The following CLMP variants were observed in gnomAD, a reference collection of about 807,000 sequenced individuals.
CLMP encodes CXADR-like membrane protein.
A neutral mutation model predicts 45.2 loss-of-function variants in CLMP; 27 were observed. The ratio of observed to expected loss-of-function variants is 0.60; its 90% confidence interval spans 0.44 to 0.82. CLMP has a LOEUF of 0.82. Among genes scored for constraint, CLMP ranks in the 40% least tolerant of loss-of-function variants. The pLI is 0.00. For missense variants in CLMP, 403 were observed against 448.4 expected (o/e 0.90, Z 0.91); for synonymous variants, 167 against 171.4 (o/e 0.97, Z 0.20).
intron 1 of CLMP, among the ~76,000 whole-genome samples, chr11:123,131,960 G>T (rs1197706248): frequency 6.6e-6 from 1 of 152,152 alleles, no homozygotes; most frequent in Non-Finnish European, 1.5e-5. Context: ...TCTATAAAAT[G>T]AGCCATCTTT....
chr11:123,192,403 T>A (rs538803219), intron 1 of CLMP, among the ~76,000 whole-genome samples: 46 of 152,152 alleles, frequency 3.0e-4, no homozygotes, highest in African/African-American at 1.1e-3. Context: ...ACCAGAGAGG[T>A]TGCCAGACTC....
At chr11:123,183,420 AG>A (rs1470734488) in intron 1 of CLMP, among the ~76,000 whole-genome samples, 2 of 152,108 alleles carry the variant, frequency 1.3e-5, no homozygotes, top group African/African-American at 4.8e-5. Context: ...TAGTAAAGAC[AG>A]GGTTTCACTA....
At chr11:123,117,783 A>G (rs1860738126) in intron 1 of CLMP, among the ~76,000 whole-genome samples, 1 of 152,208 alleles carries the variant, frequency 6.6e-6, no homozygotes, top group Non-Finnish European at 1.5e-5. Flanking sequence ...TGCCACCCTG[A>G]TAATAAATTT....
intron 1 of CLMP, among the ~76,000 whole-genome samples, chr11:123,137,138 T>C (rs561768592): frequency 3.3e-5 from 4 of 121,194 alleles, no homozygotes; most frequent in African/African-American, 1.3e-4. Context: ...TTTCTCTTTT[T>C]TTCTTTTTCT....
intron 2 of CLMP, 87 bp from the exon 3 acceptor site, chr11:123,084,800 C>G: frequency 7.7e-6 from 9 of 1,170,590 alleles, no homozygotes; most frequent in Non-Finnish European, 1.1e-5. Context: ...GGGAGTACTC[C>G]CAGTGGCACA....
intron 1 of CLMP, among the ~76,000 whole-genome samples, chr11:123,108,464 G>A (rs1410966167): frequency 1.3e-5 from 2 of 152,140 alleles, no homozygotes; most frequent in Non-Finnish European, 2.9e-5. Context: ...TATTAGGGGT[G>A]TGGATACAAG....
chr11:123,091,809 G>A (rs981724179), intron 2 of CLMP, among the ~76,000 whole-genome samples: 1 of 152,138 alleles, frequency 6.6e-6, no homozygotes, highest in Non-Finnish European at 1.5e-5. Context: ...AATTCCACAC[G>A]TTTGTGTAGC....
rs1865697150 is a variant in CLMP, at chr11:123,073,463, T to A, written c.*11A>T. 1.9e-6 allele frequency: 3 copies of A among 1,597,720 alleles called. No individual in the cohort carries two copies. In the East Asian group the frequency reaches 6.7e-5, roughly 36 times the overall value. ...CTCCTAGGAAAGCGTGGGAGTCAAG[T>A]CCATTGTAATTCAGACCGTTTGGAA... On this transcript the variant is annotated 3_prime_UTR_variant, in exon 7 of 7. Coordinates refer to ENST00000448775, the MANE Select transcript of CLMP (RefSeq NM_024769.5).
Position 123,161,353 on chromosome 11 carries a change from A to G in CLMP, c.28+33560T>C, listed in dbSNP as rs76089227. The stretch of plus-strand genomic sequence containing the variant: ...CATGCTCAGCCTGCATGTGAGAAGC[A>G]CTGATTTTTTTTTTCTTTAAATGCA... On this transcript the variant is annotated intron_variant, in intron 1 of 6. Transcript: ENST00000448775. Among the ~76,000 whole-genome samples, 510 of 152,196 alleles carry G rather than the reference A, an allele frequency of 3.4e-3. 12 individuals carry two copies. In the East Asian group the frequency reaches 0.05, roughly 15 times the overall value.
intron 1 of CLMP, among the ~76,000 whole-genome samples, chr11:123,103,593 C>G (rs1413264306): frequency 6.6e-6 from 1 of 152,150 alleles, no homozygotes; most frequent in Non-Finnish European, 1.5e-5. Flanking sequence ...GCCATGAGAT[C>G]AGGGCGCATA....
intron 2 of CLMP, among the ~76,000 whole-genome samples, chr11:123,094,722 G>A (rs763512792): frequency 1.3e-5 from 2 of 152,108 alleles, no homozygotes; most frequent in Non-Finnish European, 2.9e-5. Flanking sequence ...GAGATAATAC[G>A]TGCTAAACAG....
chr11:123,179,199 G>C (rs527818060), intron 1 of CLMP, among the ~76,000 whole-genome samples: 20 of 152,326 alleles, frequency 1.3e-4, no homozygotes, highest in Non-Finnish European at 2.8e-4. Context: ...GCCAGGAAGG[G>C]AAACTCCAGT....
chr11:123,123,238 T>TTTTC lies in CLMP; in HGVS notation c.29-25290_29-25287dup, dbSNP rs1365959876. On this transcript the variant is annotated intron_variant, in intron 1 of 6. Coordinates refer to ENST00000448775, the MANE Select transcript of CLMP (RefSeq NM_024769.5). Reference sequence around the variant, plus strand: ...TAGCAGAGATCTGAAGATTTTTTTCTTTTCTTTCTTTCTTTCTTTCCTTTT... The same window carrying TTTTC: ...TAGCAGAGATCTGAAGATTTTTTTCTTTTCTTTCTTTCTTTCTTTCTTTCCTTTT... Among the ~76,000 whole-genome samples the TTTTC allele has an allele frequency of 6.0e-5, 9 of 149,554 alleles. No homozygotes were observed. The East Asian group carries it at 9.7e-4, about 16-fold the overall frequency.
intron 1 of CLMP, among the ~76,000 whole-genome samples, chr11:123,106,025 C>T (rs1860541407): frequency 1.3e-5 from 2 of 152,072 alleles, no homozygotes; most frequent in Non-Finnish European, 2.9e-5. Context: ...CCATGTTGGC[C>T]AGGCTGGTCT....
chr11:123,108,692 A>G (rs1004233330), intron 1 of CLMP, among the ~76,000 whole-genome samples: 5 of 152,102 alleles, frequency 3.3e-5, no homozygotes, highest in Non-Finnish European at 5.9e-5. Flanking sequence ...AGAATGAGGA[A>G]AAGGGAGAAC....
rs1329800927 is a variant in CLMP at position 123,150,504 on chromosome 11, G to GC, written c.28+44408_28+44409insG. 9.4e-5 allele frequency among the ~76,000 whole-genome samples: 11 copies of GC among 116,640 alleles called. No homozygotes were observed. The South Asian group carries it at 3.4e-3, about 36-fold the overall frequency. The allele number at this position is 116,640 out of a possible 152,430, so 76.5% of individuals were successfully genotyped here. Reference sequence around the variant, plus strand: ...GAAAGGAAGGAAGGAAGGAAGGAAGGAAGGAAGGAAGGAAGGAAGGAAGGA... The same window carrying GC: ...GAAAGGAAGGAAGGAAGGAAGGAAGGCAAGGAAGGAAGGAAGGAAGGAAGGA... On this transcript the variant is annotated intron_variant, in intron 1 of 6. Coordinates refer to ENST00000448775, the MANE Select transcript of CLMP (RefSeq NM_024769.5).
At chr11:123,087,189 T>A (rs1865874894) in intron 2 of CLMP, among the ~76,000 whole-genome samples, 1 of 151,592 alleles carries the variant, frequency 6.6e-6, no homozygotes, top group African/African-American at 2.4e-5. Flanking sequence ...AATACAAAAT[T>A]AGCCGGGCGT....
intron 1 of CLMP, among the ~76,000 whole-genome samples, chr11:123,103,598 C>T (rs80082272): frequency 6.6e-6 from 1 of 152,234 alleles, no homozygotes; most frequent in African/African-American, 2.4e-5. Context: ...GAGATCAGGG[C>T]GCATACACTT....
intron 1 of CLMP, among the ~76,000 whole-genome samples, chr11:123,122,251 AGAG>A (rs1565389079): frequency 6.6e-6 from 1 of 152,150 alleles, no homozygotes; most frequent in Non-Finnish European, 1.5e-5. Flanking sequence ...CTTGGGTTCA[AGAG>A]ACCCTCTCAA....
Sources: allele counts gnomAD v4.1 joint callset (sites outside exome capture counted in the v4.1 genomes callset), GRCh38; gene constraint gnomAD v4.1.1; transcripts MANE v1.5; gene names NCBI Gene and HGNC (gene_info 2026-07-23, HGNC 2026-07-21).